Variants in FAF1 observed in about 807,000 individuals in gnomAD.
FAF1 encodes the protein FAS-associated factor 1.
In FAF1, 25 loss-of-function variants were observed where a neutral mutation model predicts 92.5. The observed-to-expected ratio is 0.27, with a 90% confidence interval of 0.20 to 0.38. FAF1 has a LOEUF of 0.38. FAF1 is among the 10% of genes least tolerant of loss of function. FAF1 has a pLI of 1.00. For synonymous variants in FAF1, 234 were observed against 273.2 expected, an observed-to-expected ratio of 0.86 and a Z score of 1.42; for missense variants, 636 against 793.3, an observed-to-expected ratio of 0.80 and a Z score of 2.38.
intron 7 of FAF1, among the ~76,000 whole-genome samples, chr1:50,665,103 C>T (rs897767845): frequency 6.6e-6 from 1 of 152,190 alleles, no homozygotes; most frequent in African/African-American, 2.4e-5. Flanking sequence ...ATTTATAATT[C>T]TTTCCAGGAA....
chr1:50,562,299 T>C (rs1246267500), intron 13 of FAF1, among the ~76,000 whole-genome samples: 2 of 152,228 alleles, frequency 1.3e-5, no homozygotes, highest in Non-Finnish European at 2.9e-5. Flanking sequence ...ACAAAACATC[T>C]TCTTTGGATT....
intron 2 of FAF1, among the ~76,000 whole-genome samples, chr1:50,846,101 T>C (rs566762940): frequency 2.4e-4 from 37 of 151,944 alleles, no homozygotes; most frequent in African/African-American, 8.9e-4. Context: ...CATTCCAGCC[T>C]GGGCAACAAG....
chr1:50,579,014 G>A (rs1360044591), intron 12 of FAF1, among the ~76,000 whole-genome samples: 1 of 152,034 alleles, frequency 6.6e-6, no homozygotes, highest in African/African-American at 2.4e-5. Flanking sequence ...GTGGATTTTG[G>A]TTACAAATCT....
At chr1:50,576,483 T>C (rs573004369) in intron 12 of FAF1, among the ~76,000 whole-genome samples, 7 of 152,314 alleles carry the variant, frequency 4.6e-5, no homozygotes, top group South Asian at 2.1e-4. Context: ...AGCCCTGCCA[T>C]TGAGATTTTT....
intron 14 of FAF1, 110 bp from the exon 15 acceptor site, chr1:50,535,567 A>G (rs1225494289): frequency 5.3e-6 from 3 of 571,234 alleles, no homozygotes; most frequent in Non-Finnish European, 9.0e-6. Context: ...AGAAAGGAAT[A>G]ATCAGTCTAA....
chr1:50,694,867 G>A (rs1569783129), intron 7 of FAF1, among the ~76,000 whole-genome samples: 2 of 152,016 alleles, frequency 1.3e-5, no homozygotes. Flanking sequence ...GGAGGCTGAG[G>A]TGGAGAACTG....
intron 2 of FAF1, among the ~76,000 whole-genome samples, chr1:50,840,930 T>C (rs1210133647): frequency 1.3e-5 from 2 of 152,022 alleles, no homozygotes; most frequent in East Asian, 3.8e-4. Flanking sequence ...AAAATGATCA[T>C]ATGGGTTACT....
intron 1 of FAF1, among the ~76,000 whole-genome samples, chr1:50,898,260 T>C (rs920926778): frequency 2.0e-5 from 3 of 152,152 alleles, no homozygotes; most frequent in African/African-American, 7.2e-5. Context: ...GCTATGATCA[T>C]GCCTGTGAAC....
intron 1 of FAF1, among the ~76,000 whole-genome samples, chr1:50,924,033 T>C (rs1234755906): frequency 6.6e-6 from 1 of 152,184 alleles, no homozygotes; most frequent in East Asian, 1.9e-4. Flanking sequence ...CTTTCACCAC[T>C]GTTATTCAAC....
intron 1 of FAF1, among the ~76,000 whole-genome samples, chr1:50,932,082 G>A (rs912541608): frequency 1.3e-5 from 2 of 151,662 alleles, no homozygotes; most frequent in Non-Finnish European, 2.9e-5. Flanking sequence ...CCCACAACAT[G>A]TGGCAATTCT....
At chr1:50,477,708 TTAGTACCA>T (rs1646655073) in intron 17 of FAF1, among the ~76,000 whole-genome samples, 1 of 152,208 alleles carries the variant, frequency 6.6e-6, no homozygotes, top group African/African-American at 2.4e-5. Flanking sequence ...CATTCACTAT[TTAGTACCA>T]TAGTTATTTA....
intron 18 of FAF1, among the ~76,000 whole-genome samples, chr1:50,450,009 C>T (rs1055114599): frequency 1.5e-4 from 23 of 151,310 alleles, no homozygotes; most frequent in African/African-American, 5.6e-4. Context: ...AGCCTGGCCA[C>T]CATGGTCAAA....
intron 13 of FAF1, among the ~76,000 whole-genome samples, chr1:50,546,344 T>C (rs1467487128): frequency 6.6e-6 from 1 of 152,050 alleles, no homozygotes; most frequent in Non-Finnish European, 1.5e-5. Context: ...TGGGGAAAAA[T>C]AAATACATAT....
rs1374374235 is a variant in FAF1 at position 50,464,261 on chromosome 1, C to T, written c.1869+11203G>A. On this transcript the variant is annotated intron_variant, in intron 18 of 18. Transcript: ENST00000396153. ...GGCCCAAGCGATCCTCCTGCCCTGG[C>T]CTCTCAAAGAGTTGAGATTATAGGT... Among the ~76,000 whole-genome samples, 4 of 152,176 alleles carry T rather than the reference C, an allele frequency of 2.6e-5. No homozygotes were observed. The South Asian group carries it at 8.3e-4, about 32-fold the overall frequency.
chr1:50,949,224 C>A (rs1463923065), intron 1 of FAF1, among the ~76,000 whole-genome samples: 2 of 152,238 alleles, frequency 1.3e-5, no homozygotes, highest in African/African-American at 4.8e-5. Flanking sequence ...GTCAGAAACT[C>A]TGAGGTGGGG....
intron 17 of FAF1, among the ~76,000 whole-genome samples, chr1:50,489,602 C>T (rs1226948206): frequency 2.0e-5 from 3 of 152,342 alleles, no homozygotes; most frequent in African/African-American, 4.8e-5. Flanking sequence ...TCCATGTCTG[C>T]ATCACTGTTC....
At chr1:50,856,169 G>T (rs929173964) in intron 2 of FAF1, among the ~76,000 whole-genome samples, 2 of 151,622 alleles carry the variant, frequency 1.3e-5, no homozygotes, top group Non-Finnish European at 3.0e-5. Flanking sequence ...TTAAAGACTT[G>T]TACTCCCAGC....
chr1:50,870,445 A>C (rs1325609966), intron 1 of FAF1, among the ~76,000 whole-genome samples: 1 of 152,266 alleles, frequency 6.6e-6, no homozygotes, highest in South Asian at 2.1e-4. Flanking sequence ...TGACAGGGCA[A>C]GACTCCATCT....
At chr1:50,819,692 C>CATATATATACATATATATATACGT (rs1644016072) in intron 2 of FAF1, among the ~76,000 whole-genome samples, 1 of 45,614 alleles carries the variant, frequency 2.2e-5, no homozygotes, top group Non-Finnish European at 4.6e-5. Context: ...TATATATATA[C>CATATATATACATATATATATACGT]ATATATATAT....
Sources: allele counts gnomAD v4.1 joint callset (sites outside exome capture counted in the v4.1 genomes callset), GRCh38; gene constraint gnomAD v4.1.1; transcripts MANE v1.5; gene names NCBI Gene and HGNC (gene_info 2026-07-23, HGNC 2026-07-21).